ZNF611: variants seen among roughly 807,000 people sequenced by gnomAD.
ZNF611 encodes the protein zinc finger protein 611.
A neutral mutation model predicts 8.9 loss-of-function variants in ZNF611; 6 were observed. That is an observed-to-expected ratio of 0.68 (90% CI 0.37 to 1.34). The LOEUF (loss-of-function observed/expected upper bound fraction) is 1.34, where lower values mean the gene tolerates loss of function less well. Ranked by LOEUF, ZNF611 falls within the 40% of genes most tolerant of loss-of-function variation. ZNF611 has a pLI of 0.02. For synonymous variants in ZNF611, 262 were observed against 279.7 expected (o/e 0.94, Z 0.63); for missense variants, 874 against 841.3 (o/e 1.04, Z -0.48).
chr19:52,709,164 TG>T (rs1223607258), intron 5 of ZNF611, among the ~76,000 whole-genome samples: 2 of 152,218 alleles, frequency 1.3e-5, no homozygotes, highest in Non-Finnish European at 2.9e-5. Context: ...TTCCTGCAGT[TG>T]GGGTCTTTTA....
At chr19:52,725,164 G>A (rs1242266129) in intron 3 of ZNF611, among the ~76,000 whole-genome samples, 1 of 152,144 alleles carries the variant, frequency 6.6e-6, no homozygotes, top group Non-Finnish European at 1.5e-5. Context: ...AAGAACACCC[G>A]GTGTCATAGG....
chr19:52,713,876 A>C, intron 5 of ZNF611, 139 bp downstream of exon 5: 1 of 1,504,486 alleles, frequency 6.6e-7, no homozygotes, highest in Non-Finnish European at 8.9e-7. Context: ...CGGCAATAGG[A>C]GCGAAACACC....
intron 3 of ZNF611, among the ~76,000 whole-genome samples, chr19:52,717,006 C>G (rs886680540): frequency 2.2e-4 from 33 of 151,828 alleles, no homozygotes; most frequent in African/African-American, 7.5e-4. Flanking sequence ...GCACTCCAGC[C>G]TGGGGGACAA....
rs1190830386 is a variant in ZNF611 at position 52,706,559 on chromosome 19, C to T, written c.496G>A (p.Glu166Lys). ...CCTTTGATCTGAAATATGTGGAGTT[C>T]AGGCAGATGTGAATAAAAGCTTGAT... The part of the protein sequence containing the change: ...LGSSFYSHLP[E>K]LHIFQIKGEI... The change falls in exon 6 of 6, where the codon GAA becomes AAA. Residue 166 changes from glutamate to lysine, a missense_variant. Coordinates refer to ENST00000652185, the MANE Select transcript of ZNF611 (RefSeq NM_001161499.2). The T allele has an allele frequency of 6.2e-7, 1 of 1,614,044 alleles. No homozygotes were observed. The highest frequency in any genetic ancestry group is 8.5e-7 in the Non-Finnish European group (1 of 1,180,040).
rs1277459905 is a variant in ZNF611 at position 52,732,359 on chromosome 19, TTGAG to T, written c.-221-2358_-221-2355del. Among the ~76,000 whole-genome samples the T allele has an allele frequency of 1.5e-5, 2 of 135,694 alleles. 1 individual carries two copies. The highest frequency in any genetic ancestry group is 5.6e-5 in the African/African-American group (2 of 35,844). The allele number at this position is 135,694 out of a possible 152,430, so 89.0% of individuals were successfully genotyped here. ...GAGTTATTCTGAATAACTCACAGTA[TTGAG>T]TTATTCTGAATAACTCACAGTATTG... On this transcript the variant is annotated intron_variant, in intron 1 of 5. Coordinates refer to ENST00000652185, the MANE Select transcript of ZNF611 (RefSeq NM_001161499.2).
In ZNF611 at chr19:52,734,533, G is replaced by GCGA. The variant is rs1327131375; in HGVS notation, c.-222+467_-222+468insTCG. The stretch of plus-strand genomic sequence containing the variant: ...GCCCCGGCATGAGGAGGAAGGTGCG[G>GCGA]GGCGGGGGGGGGGGGCGCGACGGCG... On this transcript the variant is annotated intron_variant, in intron 1 of 5. Coordinates refer to ENST00000652185, the MANE Select transcript of ZNF611 (RefSeq NM_001161499.2). Among the ~76,000 whole-genome samples, 23 of 35,884 alleles carry GCGA rather than the reference G, an allele frequency of 6.4e-4. 2 individuals are homozygous for GCGA. Among genetic ancestry groups the GCGA allele is most frequent in the East Asian group, 2.8e-3 (7 of 2,478 alleles). 23.5% of individuals were successfully genotyped at this position (35,884 alleles called of 152,430 possible).
intron 2 of ZNF611, chr19:52,729,042 A>G (rs968339765): frequency 2.0e-5 from 3 of 152,302 alleles, no homozygotes; most frequent in Admixed American, 6.5e-5. Flanking sequence ...TATTTCCAAT[A>G]CCATGACAAA....
At position 52,704,872 on chromosome 19, in the gene ZNF611, A is replaced by G. The variant is rs940382511; in HGVS notation, c.*65T>C. 1 of 1,609,044 alleles carries G rather than the reference A, an allele frequency of 6.2e-7. No individual in the cohort carries two copies. The highest frequency in any genetic ancestry group is 1.3e-5 in the African/African-American group (1 of 74,816). The stretch of plus-strand genomic sequence containing the variant: ...TACATTTGTAAGCTTTCTCTCCAGT[A>G]TAAATTCTCCTATGTCTTTAAGGTG... On this transcript the variant is annotated 3_prime_UTR_variant, in exon 6 of 6. Coordinates refer to ENST00000652185, the MANE Select transcript of ZNF611 (RefSeq NM_001161499.2).
rs1469552674 is a variant in ZNF611, at chr19:52,705,413, C to CA, written c.1641dup (p.Ala548CysfsTer11). 6.2e-7 allele frequency: 1 copy of CA among 1,613,956 alleles called. No homozygotes were observed. Among genetic ancestry groups the CA allele is most frequent in the Non-Finnish European group, 8.5e-7 (1 of 1,180,020 alleles). Reference sequence around the variant, plus strand: ...TGTTTTGCCAGATAGGAATGACACGCAAAAGCCTTGTCACAAACCTTACAT... The same window carrying CA: ...TGTTTTGCCAGATAGGAATGACACGCAAAAAGCCTTGTCACAAACCTTACAT... On this transcript the variant is annotated frameshift_variant, in exon 6 of 6. Transcript: ENST00000652185. LOFTEE classifies it low-confidence loss of function (END_TRUNC).
chr19:52,710,136 C>T (rs1251244257), intron 5 of ZNF611, among the ~76,000 whole-genome samples: 2 of 151,992 alleles, frequency 1.3e-5, no homozygotes, highest in Non-Finnish European at 2.9e-5. Context: ...GGCTGGAGTG[C>T]AGTGGCACGA....
chr19:52,715,809 T>C lies in ZNF611; in HGVS notation c.63+23A>G, dbSNP rs774669657. On this transcript the variant is annotated intron_variant, in intron 4 of 5. Transcript: ENST00000652185. ...TTCAGAAACGAAAGACACAGATTAA[T>C]CCACAGAGGAATATCACTTCACCTG... is the stretch of plus-strand genomic sequence containing the variant. The C allele has an allele frequency of 5.0e-6, 8 of 1,608,692 alleles. 1 individual carries two copies. In the South Asian group the frequency reaches 8.8e-5, roughly 18 times the overall value.
At chr19:52,733,484 C>CG (rs771308725) in intron 1 of ZNF611, among the ~76,000 whole-genome samples, 25 of 151,734 alleles carry the variant, frequency 1.6e-4, no homozygotes, top group African/African-American at 3.1e-4. Context: ...ACTTTTTTGG[C>CG]GGGGGGGAGG....
Position 52,724,124 on chromosome 19 carries a change from C to A in ZNF611, c.-20+4606G>T, listed in dbSNP as rs188321814. 9 of 152,374 alleles carry A rather than the reference C, an allele frequency of 5.9e-5. No homozygotes were observed. The East Asian group carries it at 1.7e-3, about 29-fold the overall frequency. 9.4% of individuals were successfully genotyped at this position (152,374 alleles called of 1,614,324 possible). On this transcript the variant is annotated intron_variant, in intron 3 of 5. Transcript: ENST00000652185. Reference sequence around the variant, plus strand: ...TCACTAACCGTCCTCAGCACAGACCCTTTACGGGTGTCTGGCTGGGGGATG... The same window carrying A: ...TCACTAACCGTCCTCAGCACAGACCATTTACGGGTGTCTGGCTGGGGGATG...
At position 52,714,106 on chromosome 19, in the gene ZNF611, G is replaced by A. The variant is rs776964112; in HGVS notation, c.99C>T (p.Phe33=). 5.9e-5 allele frequency: 96 copies of A among 1,613,774 alleles called. No homozygotes were observed. Among genetic ancestry groups the A allele is most frequent in the Non-Finnish European group, 8.0e-5 (94 of 1,179,968 alleles). ...TCAGGCATTTCCACTCTGCCAATGA[G>A]AATTCTATAGCCACATCCCGGAAAG... The part of the protein sequence containing the change: ...RLTFRDVAIE[F]SLAEWKCLNP... Residue 33 remains phenylalanine (F), a synonymous_variant, in exon 5 of 6, where the codon TTC becomes TTT. Transcript: ENST00000652185.
rs374722380 is a variant in ZNF611, at chr19:52,721,458, C to T, written c.-19-5545G>A. Among the ~76,000 whole-genome samples the T allele has an allele frequency of 4.1e-4, 62 of 152,364 alleles. 1 individual carries two copies. Among genetic ancestry groups the T allele is most frequent in the South Asian group, 3.9e-3 (19 of 4,832 alleles). The stretch of plus-strand genomic sequence containing the variant: ...CCTCGGGAGGCCAAGGCGGGCAAAT[C>T]ACTGGAGGTCAGGGGTTGGAGACCA... On this transcript the variant is annotated intron_variant, in intron 3 of 5. Coordinates refer to ENST00000652185, the MANE Select transcript of ZNF611 (RefSeq NM_001161499.2).
chr19:52,729,504 A>AAAAAAAAG (rs1178342511), intron 2 of ZNF611, among the ~76,000 whole-genome samples: 1 of 148,942 alleles, frequency 6.7e-6, no homozygotes, highest in African/African-American at 2.5e-5. Context: ...AAAAAAAAAA[A>AAAAAAAAG]AAAAAAAAAA....
intron 1 of ZNF611, among the ~76,000 whole-genome samples, chr19:52,732,029 G>A (rs1048608978): frequency 5.3e-5 from 8 of 151,764 alleles, no homozygotes; most frequent in African/African-American, 1.5e-4. Context: ...CCAGCACTTT[G>A]GGAGGCTGAG....
chr19:52,717,800 T>G (rs1332611917), intron 3 of ZNF611: 2 of 546,228 alleles, frequency 3.7e-6, no homozygotes, highest in Non-Finnish European at 4.7e-6. Context: ...AATAGGCTAC[T>G]TGAACTAAAT....
In ZNF611 at chr19:52,705,319, G is replaced by C; in HGVS notation, c.1736C>G (p.Ser579Ter). 6.2e-7 allele frequency: 1 copy of C among 1,614,142 alleles called. No homozygotes were observed. The highest frequency in any genetic ancestry group is 1.3e-5 in the African/African-American group (1 of 75,026). ...NECSKTFSHRSYLVCHHRVHS... is the reference protein window; with the variant it reads ...NECSKTFSHR ...AACTCTATGATGGCATACAAGGTATGACCTGTGACTGAAGGTCTTGCTGCA... is the reference window on the plus strand; with the variant it reads ...AACTCTATGATGGCATACAAGGTATCACCTGTGACTGAAGGTCTTGCTGCA... The change falls in exon 6 of 6, where the codon TCA becomes TGA. Residue 579 changes from serine to a stop codon, truncating the protein, a stop_gained. Coordinates refer to ENST00000652185, the MANE Select transcript of ZNF611 (RefSeq NM_001161499.2). LOFTEE classifies it low-confidence loss of function (END_TRUNC).
Sources: allele counts gnomAD v4.1 joint callset (sites outside exome capture counted in the v4.1 genomes callset), GRCh38; gene constraint gnomAD v4.1.1; transcripts MANE v1.5; gene names NCBI Gene and HGNC (gene_info 2026-07-23, HGNC 2026-07-21).